The following RMI1 variants were observed in gnomAD, a reference collection of about 807,000 sequenced individuals.
The protein encoded by RMI1 is RecQ mediated genome instability 1.
A neutral mutation model predicts 46.7 loss-of-function variants in RMI1; 36 were observed. The observed-to-expected ratio is 0.77, with a 90% CI of 0.59 to 1.02. The LOEUF (loss-of-function observed/expected upper bound fraction) is 1.02. RMI1 is among the 50% of genes least tolerant of loss of function. The pLI is 0.00. For synonymous variants in RMI1, 250 were observed against 252.9 expected, an observed-to-expected ratio of 0.99 and a Z score of 0.11; for missense variants, 676 against 713.7, an observed-to-expected ratio of 0.95 and a Z score of 0.60.
rs79710860 is a variant in RMI1, at chr9:83,989,586, C to T, written c.-126+8695C>T. Among the ~76,000 whole-genome samples the T allele has an allele frequency of 7.8e-3, 1,184 of 151,038 alleles. 29 individuals carry two copies. Among genetic ancestry groups the T allele is most frequent in the East Asian group, 0.033 (172 of 5,152 alleles). On this transcript the variant is annotated intron_variant, in intron 1 of 2. Coordinates refer to ENST00000445877, the MANE Select transcript of RMI1 (RefSeq NM_001358291.2). ...GCCAACAGGTACATGAAAAAATATT[C>T]GACATCGTGAATCAGGGAAATGCAA... is the stretch of plus-strand genomic sequence containing the variant.
At chr9:83,986,144 A>G (rs181997292) in intron 1 of RMI1, among the ~76,000 whole-genome samples, 2 of 152,258 alleles carry the variant, frequency 1.3e-5, no homozygotes, top group African/African-American at 2.4e-5. Context: ...TTTATGTGCT[A>G]TGTTAGTAGG....
intron 1 of RMI1, among the ~76,000 whole-genome samples, chr9:83,990,423 T>A (rs1957553324): frequency 6.6e-6 from 1 of 151,594 alleles, no homozygotes; most frequent in Non-Finnish European, 1.5e-5. Context: ...GGCAGGAGAA[T>A]CGCTTGAAGT....
intron 1 of RMI1, among the ~76,000 whole-genome samples, chr9:83,993,303 A>AT (rs199615984): frequency 0.014 from 2,120 of 152,294 alleles, 28 homozygotes; most frequent in South Asian, 0.033. Flanking sequence ...CTCAAGGTTA[A>AT]TTTATGTTGT....
chr9:83,996,361 G>C (rs531400627), intron 1 of RMI1, among the ~76,000 whole-genome samples: 1 of 152,260 alleles, frequency 6.6e-6, no homozygotes, highest in African/African-American at 2.4e-5. Context: ...GTCTGTTTCT[G>C]GTCTTCTGTC....
intron 1 of RMI1, among the ~76,000 whole-genome samples, chr9:83,987,340 A>G (rs1564079387): frequency 6.6e-6 from 1 of 152,184 alleles, no homozygotes; most frequent in African/African-American, 2.4e-5. Context: ...GGCGTGAGCC[A>G]CCGCGTCCGG....
At chr9:83,986,819 CCAAT>C (rs1288913563) in intron 1 of RMI1, among the ~76,000 whole-genome samples, 2 of 152,198 alleles carry the variant, frequency 1.3e-5, no homozygotes, top group African/African-American at 2.4e-5. Flanking sequence ...CAGTTCATAA[CCAAT>C]CAGTCTTCTT....
Position 83,991,510 on chromosome 9 carries a change from G to T in RMI1, c.-125-8199G>T, listed in dbSNP as rs1957573688. On this transcript the variant is annotated intron_variant, in intron 1 of 2. Coordinates refer to ENST00000445877, the MANE Select transcript of RMI1 (RefSeq NM_001358291.2). Reference sequence around the variant, plus strand: ...TTTAAAAATTTTTTGTAGAAATGGGGTCTTGCTATGTTGCCCAGGTTGCTC... The same window carrying T: ...TTTAAAAATTTTTTGTAGAAATGGGTTCTTGCTATGTTGCCCAGGTTGCTC... 2.6e-5 allele frequency among the ~76,000 whole-genome samples: 4 copies of T among 151,948 alleles called. No homozygotes were observed. The South Asian group carries it at 8.3e-4, about 32-fold the overall frequency.
At chr9:83,991,044 T>C (rs753784934) in intron 1 of RMI1, among the ~76,000 whole-genome samples, 4 of 152,126 alleles carry the variant, frequency 2.6e-5, no homozygotes, top group Non-Finnish European at 5.9e-5. Flanking sequence ...CGACCTCAGG[T>C]GATCCACCCG....
chr9:83,987,680 G>A (rs1387974218), intron 1 of RMI1, among the ~76,000 whole-genome samples: 1 of 152,010 alleles, frequency 6.6e-6, no homozygotes, highest in African/African-American at 2.4e-5. Context: ...CTGGCCTTTG[G>A]CAACCACTGA....
In RMI1 at chr9:84,001,749, G is replaced by C. The variant is rs2133132223; in HGVS notation, c.763G>C (p.Asp255His). Residue 255 changes from aspartate (D) to histidine (H), a missense_variant, in exon 3 of 3, where the codon GAT becomes CAT. Transcript: ENST00000445877. ...EELLASLDEN[D>H]ELTANNDTSS... is the part of the protein sequence containing the mutation. The stretch of plus-strand genomic sequence containing the variant: ...ACTCTTGGCAAGTCTTGATGAAAAT[G>C]ATGAGCTTACAGCAAATAATGACAC... 6.2e-7 allele frequency: 1 copy of C among 1,614,002 alleles called. No individual in the cohort carries two copies. The highest frequency in any genetic ancestry group is 8.5e-7 in the Non-Finnish European group (1 of 1,179,970).
chr9:84,000,211 TTATAA>T (rs1241051691), intron 2 of RMI1, among the ~76,000 whole-genome samples: 1 of 152,242 alleles, frequency 6.6e-6, no homozygotes, highest in Non-Finnish European at 1.5e-5. Flanking sequence ...ATTAGATCAA[TTATAA>T]TATATTATAC....
chr9:83,994,989 A>T (rs530003243), intron 1 of RMI1, among the ~76,000 whole-genome samples: 4 of 152,192 alleles, frequency 2.6e-5, no homozygotes, highest in Admixed American at 1.3e-4. Context: ...TCTTGGAAAA[A>T]TTTCAACCAT....
At chr9:83,981,813 A>G (rs937450927) in intron 1 of RMI1, among the ~76,000 whole-genome samples, 2 of 152,230 alleles carry the variant, frequency 1.3e-5, no homozygotes, top group African/African-American at 2.4e-5. Flanking sequence ...ATATACCAGC[A>G]TTCTTTTAAA....
chr9:83,998,332 C>T (rs1358537778), intron 1 of RMI1, among the ~76,000 whole-genome samples: 1 of 152,082 alleles, frequency 6.6e-6, no homozygotes, highest in Non-Finnish European at 1.5e-5. Flanking sequence ...TTAACTTCCC[C>T]ATGTCCTTTA....
rs570157920 is a variant in RMI1 at position 83,992,849 on chromosome 9, G to T, written c.-125-6860G>T. Reference sequence around the variant, plus strand: ...ATATTCATGTCATTGGCAAATAGGGGTACTTTTATTATTCCTTTTTTCTCT... The same window carrying T: ...ATATTCATGTCATTGGCAAATAGGGTTACTTTTATTATTCCTTTTTTCTCT... On this transcript the variant is annotated intron_variant, in intron 1 of 2. Transcript: ENST00000445877. The T allele has an allele frequency of 5.3e-5, 8 of 152,128 alleles. No homozygotes were observed. The East Asian group carries it at 1.5e-3, about 29-fold the overall frequency. The allele number at this position is 152,128 out of a possible 1,614,324, so 9.4% of individuals were successfully genotyped here. A position where few individuals can be genotyped will look rare whatever the true frequency, so the allele number is the denominator to read the frequency against.
chr9:83,991,267 C>A (rs1310519889), intron 1 of RMI1, among the ~76,000 whole-genome samples: 1 of 149,072 alleles, frequency 6.7e-6, no homozygotes, highest in African/African-American at 2.5e-5. Flanking sequence ...AAATTTCTTT[C>A]TTTTATGCAT....
chr9:84,000,351 C>G (rs1472947665), intron 2 of RMI1, among the ~76,000 whole-genome samples: 1 of 152,180 alleles, frequency 6.6e-6, no homozygotes, highest in East Asian at 1.9e-4. Flanking sequence ...TAGTGCTGTT[C>G]CGAATAGTGT....
At chr9:83,983,643 AAATT>A (rs1957450649) in intron 1 of RMI1, among the ~76,000 whole-genome samples, 1 of 152,238 alleles carries the variant, frequency 6.6e-6, no homozygotes, top group African/African-American at 2.4e-5. Flanking sequence ...GGCTGACTGA[AAATT>A]AATCTGTAAA....
intron 1 of RMI1, among the ~76,000 whole-genome samples, chr9:83,990,921 C>T (rs929237550): frequency 6.6e-6 from 1 of 152,062 alleles, no homozygotes; most frequent in Non-Finnish European, 1.5e-5. Context: ...AATTATCTTG[C>T]CTCAGCCTCC....
Sources: gnomAD v4.1 joint callset for allele counts (sites outside exome capture counted in the v4.1 genomes callset) on GRCh38, gnomAD v4.1.1 for gene constraint, MANE v1.5 for transcripts, NCBI Gene and HGNC (gene_info 2026-07-23, HGNC 2026-07-21) for gene names.